DAB1: variants seen among roughly 807,000 people sequenced by gnomAD.
DAB1 encodes disabled homolog 1.
Under a neutral mutation model 64.6 loss-of-function variants are expected in DAB1, and 15 were observed. The observed-to-expected ratio is 0.23, with a 90% CI of 0.16 to 0.36. DAB1 has a LOEUF of 0.36. Ranked by LOEUF, DAB1 falls within the 10% of genes least tolerant of loss-of-function variation. The pLI, the probability that DAB1 is intolerant of heterozygous loss-of-function variation, is 1.00. For missense variants in DAB1, 596 were observed against 706.7 expected, an observed-to-expected ratio of 0.84 and a Z score of 1.78; for synonymous variants, 235 against 251.9, an observed-to-expected ratio of 0.93 and a Z score of 0.64.
At chr1:57,048,827 T>C (rs1254835083) in intron 9 of DAB1, among the ~76,000 whole-genome samples, 1 of 152,220 alleles carries the variant, frequency 6.6e-6, no homozygotes, top group African/African-American at 2.4e-5. Context: ...TGGCCTGCAT[T>C]GTAGCAGAGA....
chr1:57,665,858 T>C (rs1570719063), intron 6 of DAB1, among the ~76,000 whole-genome samples: 1 of 149,882 alleles, frequency 6.7e-6, no homozygotes. Flanking sequence ...TCTGTGTGTG[T>C]GTGTGTGTGT....
chr1:58,238,852 C>T (rs2100372043), intron 4 of DAB1, among the ~76,000 whole-genome samples: 1 of 152,220 alleles, frequency 6.6e-6, no homozygotes, highest in Admixed American at 6.5e-5. Context: ...TGCATGGGAA[C>T]CAGAAGTGAC....
chr1:57,540,526 C>T (rs1352500996), intron 7 of DAB1, among the ~76,000 whole-genome samples: 1 of 152,084 alleles, frequency 6.6e-6, no homozygotes. Context: ...TTTACAATAG[C>T]AAATATGTGA....
intron 2 of DAB1, among the ~76,000 whole-genome samples, chr1:57,195,650 A>G (rs1664564393): frequency 6.6e-6 from 1 of 152,240 alleles, no homozygotes; most frequent in African/African-American, 2.4e-5. Flanking sequence ...GCCAGGTGGG[A>G]AGAACACATG....
intron 3 of DAB1, among the ~76,000 whole-genome samples, chr1:58,439,638 G>A (rs185724851): frequency 5.5e-4 from 83 of 152,276 alleles, no homozygotes; most frequent in Non-Finnish European, 8.4e-4. Context: ...AGGAAAGTAG[G>A]TATCATGCCC....
intron 5 of DAB1, among the ~76,000 whole-genome samples, chr1:58,118,487 T>TGTCTAAGTC (rs1652493947): frequency 1.3e-5 from 1 of 78,646 alleles, no homozygotes; most frequent in Non-Finnish European, 2.2e-5. Flanking sequence ...TATATATATA[T>TGTCTAAGTC]ATATATATAT....
chr1:57,861,480 C>T (rs961665607), intron 1 of DAB1, among the ~76,000 whole-genome samples: 8 of 152,244 alleles, frequency 5.3e-5, no homozygotes, highest in African/African-American at 1.7e-4. Context: ...AAGGCCCTGC[C>T]TCTAAATACC....
intron 4 of DAB1, among the ~76,000 whole-genome samples, chr1:58,304,970 A>G (rs1291707102): frequency 6.6e-6 from 1 of 152,082 alleles, no homozygotes. Context: ...TTCTTTTTTT[A>G]ATTTTTAATT....
chr1:57,945,253 A>G (rs976961521), intron 5 of DAB1, among the ~76,000 whole-genome samples: 3 of 151,940 alleles, frequency 2.0e-5, no homozygotes, highest in African/African-American at 7.3e-5. Flanking sequence ...CATCGTCATC[A>G]TCATCATCAT....
intron 4 of DAB1, among the ~76,000 whole-genome samples, chr1:57,126,816 C>T (rs1346860777): frequency 1.3e-5 from 2 of 152,216 alleles, no homozygotes; most frequent in Non-Finnish European, 2.9e-5. Context: ...GTTACCCAGT[C>T]CCTGGGCTCC....
chr1:57,301,051 C>T (rs1206300968), intron 1 of DAB1, among the ~76,000 whole-genome samples: 5 of 151,720 alleles, frequency 3.3e-5, no homozygotes, highest in African/African-American at 1.2e-4. Flanking sequence ...AGCACATGTG[C>T]TTCCATTTTC....
intron 10 of DAB1, among the ~76,000 whole-genome samples, chr1:57,025,106 C>A (rs774409516): frequency 2.8e-4 from 43 of 152,316 alleles, no homozygotes; most frequent in Non-Finnish European, 5.3e-4. Context: ...GAGGAGCTGT[C>A]CCCTCCCGGC....
chr1:57,283,391 C>T (rs566663545), intron 2 of DAB1, among the ~76,000 whole-genome samples: 85 of 152,152 alleles, frequency 5.6e-4, no homozygotes, highest in Non-Finnish European at 1.0e-3. Context: ...ATTTCCTATA[C>T]CACTAGAGAT....
intron 6 of DAB1, among the ~76,000 whole-genome samples, chr1:57,800,447 T>C (rs138029085): frequency 5.7e-4 from 87 of 152,302 alleles, no homozygotes; most frequent in African/African-American, 1.8e-3. Context: ...CAGTTTCACA[T>C]GAACTCTTCA....
chr1:57,316,066 A>C (rs781215437), intron 1 of DAB1, among the ~76,000 whole-genome samples: 7 of 152,206 alleles, frequency 4.6e-5, no homozygotes, highest in Admixed American at 2.0e-4. Flanking sequence ...ATTCCCTCTT[A>C]GTAAGTGACG....
At chr1:58,195,129 A>G (rs1455079412) in intron 4 of DAB1, among the ~76,000 whole-genome samples, 1 of 138,880 alleles carries the variant, frequency 7.2e-6, no homozygotes, top group East Asian at 2.4e-4. Flanking sequence ...CCACCAGGAG[A>G]GAGAGAGAGA....
intron 4 of DAB1, among the ~76,000 whole-genome samples, chr1:58,249,923 C>A (rs1194509581): frequency 1.3e-5 from 2 of 152,210 alleles, no homozygotes; most frequent in Admixed American, 6.5e-5. Flanking sequence ...CGCCGCCTTC[C>A]CGCTCTTCGC....
intron 4 of DAB1, among the ~76,000 whole-genome samples, chr1:57,094,074 A>C (rs1653931570): frequency 6.9e-6 from 1 of 144,834 alleles, no homozygotes; most frequent in Non-Finnish European, 1.5e-5. Context: ...ATGCCACTGC[A>C]CTCCAGCCTG....
chr1:57,892,022 C>T (rs1274551496), intron 5 of DAB1, among the ~76,000 whole-genome samples: 1 of 152,062 alleles, frequency 6.6e-6, no homozygotes, highest in East Asian at 1.9e-4. Context: ...ATACATATGC[C>T]CTTGCAACTG....
Sources: allele counts gnomAD v4.1 joint callset (sites outside exome capture counted in the v4.1 genomes callset), GRCh38; gene constraint gnomAD v4.1.1; transcripts MANE v1.5; gene names NCBI Gene and HGNC (gene_info 2026-07-23, HGNC 2026-07-21).